The following SOCS5 variants were observed in gnomAD, a reference collection of about 807,000 sequenced individuals.
SOCS5 encodes suppressor of cytokine signaling 5.
A neutral mutation model predicts 42.8 loss-of-function variants in SOCS5; 32 were observed. The ratio of observed to expected loss-of-function variants is 0.75; its 90% CI spans 0.56 to 1.01. The LOEUF (loss-of-function observed/expected upper bound fraction) is 1.01. SOCS5 is among the 50% of genes least tolerant of loss of function. The probability of loss-of-function intolerance (pLI) is 0.00; values close to 1 mark genes in which losing one functional copy is unlikely to be tolerated. For missense variants in SOCS5, 627 were observed against 653.0 expected, an observed-to-expected ratio of 0.96 and a Z score of 0.43; for synonymous variants, 283 against 229.6, an observed-to-expected ratio of 1.23 and a Z score of -2.10.
chr2:46,734,805 C>T (rs1673207329), intron 1 of SOCS5, among the ~76,000 whole-genome samples: 1 of 152,118 alleles, frequency 6.6e-6, no homozygotes, highest in Admixed American at 6.5e-5. Context: ...AGACCACATC[C>T]AGGAATAAAA....
intron 1 of SOCS5, among the ~76,000 whole-genome samples, chr2:46,734,969 A>C (rs998757043): frequency 6.6e-6 from 1 of 152,168 alleles, no homozygotes; most frequent in Non-Finnish European, 1.5e-5. Context: ...TCCGGAGTCC[A>C]TGCCTTTGCG....
At chr2:46,723,224 C>A (rs767465878) in intron 1 of SOCS5, among the ~76,000 whole-genome samples, 8 of 151,866 alleles carry the variant, frequency 5.3e-5, no homozygotes, top group African/African-American at 7.2e-5. Context: ...TCTAAAAATT[C>A]TTTGCTTCAC....
At chr2:46,752,090 A>G (rs72802468) in intron 1 of SOCS5, among the ~76,000 whole-genome samples, 1 of 152,104 alleles carries the variant, frequency 6.6e-6, no homozygotes, top group Non-Finnish European at 1.5e-5. Flanking sequence ...TAAAACATTT[A>G]CTGCCTGGCC....
chr2:46,751,410 C>G (rs938634357), intron 1 of SOCS5, among the ~76,000 whole-genome samples: 1 of 151,626 alleles, frequency 6.6e-6, no homozygotes, highest in Admixed American at 6.6e-5. Flanking sequence ...AAAAAAAATA[C>G]ACTTTATAAG....
chr2:46,716,281 C>T (rs2103704869), intron 1 of SOCS5, among the ~76,000 whole-genome samples: 2 of 150,868 alleles, frequency 1.3e-5, no homozygotes, highest in East Asian at 1.9e-4. Context: ...CTTACCCCAG[C>T]CATTTCTTGG....
At chr2:46,745,710 T>G (rs889852915) in intron 1 of SOCS5, among the ~76,000 whole-genome samples, 1 of 152,218 alleles carries the variant, frequency 6.6e-6, no homozygotes, top group African/African-American at 2.4e-5. Flanking sequence ...AGAGGGTTGT[T>G]TATCCTCTTT....
intron 1 of SOCS5, among the ~76,000 whole-genome samples, chr2:46,742,085 A>C (rs1049188886): frequency 6.6e-6 from 1 of 152,216 alleles, no homozygotes; most frequent in Non-Finnish European, 1.5e-5. Flanking sequence ...ACAAACTTTG[A>C]CAGGTTGATA....
intron 1 of SOCS5, among the ~76,000 whole-genome samples, chr2:46,705,447 CAT>C (rs776091240): frequency 5.9e-5 from 9 of 152,230 alleles, no homozygotes; most frequent in Non-Finnish European, 7.3e-5. Flanking sequence ...AATCCCTACA[CAT>C]ATGTTTTGAG....
chr2:46,745,639 T>A (rs532020464), intron 1 of SOCS5, among the ~76,000 whole-genome samples: 3 of 152,170 alleles, frequency 2.0e-5, no homozygotes, highest in African/African-American at 7.2e-5. Context: ...AAATCACAGA[T>A]CTTTGAGGTT....
chr2:46,754,958 A>G (rs546200945), intron 1 of SOCS5, among the ~76,000 whole-genome samples: 8 of 152,310 alleles, frequency 5.3e-5, no homozygotes, highest in African/African-American at 1.4e-4. Context: ...CAAAATATCA[A>G]TCAAAACTTG....
At chr2:46,726,900 G>A (rs1392747863) in intron 1 of SOCS5, among the ~76,000 whole-genome samples, 1 of 150,786 alleles carries the variant, frequency 6.6e-6, no homozygotes, top group Non-Finnish European at 1.5e-5. Flanking sequence ...GGAATTACAG[G>A]TGCCTGCCAC....
rs1229633464 is a variant in SOCS5, at chr2:46,761,469, A to G, written c.*1328A>G. 4.2e-5 allele frequency: 7 copies of G among 167,068 alleles called. No homozygotes were observed. Among genetic ancestry groups the G allele is most frequent in the African/African-American group, 7.2e-5 (3 of 41,458 alleles). 10.3% of individuals were successfully genotyped at this position (167,068 alleles called of 1,614,324 possible). On this transcript the variant is annotated 3_prime_UTR_variant, in exon 2 of 2. Transcript: ENST00000394861. ...CTACAGAATGTTATTTTACATCCCT[A>G]TGGCTATTGCCAAGGCTACAAAAAA...
intron 1 of SOCS5, among the ~76,000 whole-genome samples, chr2:46,746,417 C>T (rs1481315364): frequency 2.6e-5 from 4 of 151,984 alleles, no homozygotes; most frequent in Admixed American, 1.3e-4. Context: ...TTTGGGAGGC[C>T]GAGGTGGGTG....
intron 1 of SOCS5, among the ~76,000 whole-genome samples, chr2:46,754,497 T>A (rs1673690978): frequency 6.6e-6 from 1 of 152,070 alleles, no homozygotes; most frequent in Non-Finnish European, 1.5e-5. Context: ...TACACTAATA[T>A]AAATGGCATG....
In SOCS5 at chr2:46,759,672, G is replaced by T. The variant is rs778769719; in HGVS notation, c.1142G>T (p.Cys381Phe). 9.9e-6 allele frequency: 16 copies of T among 1,614,124 alleles called. No individual in the cohort carries two copies. Among genetic ancestry groups the T allele is most frequent in the African/African-American group, 1.3e-5 (1 of 75,040 alleles). Residue 381 changes from cysteine to phenylalanine, a missense_variant, in exon 2 of 2, where the codon TGT becomes TTT. Around this residue, in one of 3 missense-constraint regions of SOCS5, gnomAD observed 340 missense variants for 367.6 expected, o/e 0.92. Coordinates refer to ENST00000394861, the MANE Select transcript of SOCS5 (RefSeq NM_144949.3). ...PDLLQITGNP[C>F]YWGVMDRYEA... ...TTGCTTCAAATTACAGGGAATCCCT[G>T]TTACTGGGGAGTGATGGACCGTTAT...
At chr2:46,708,463 A>T (rs534601561) in intron 1 of SOCS5, among the ~76,000 whole-genome samples, 28 of 152,348 alleles carry the variant, frequency 1.8e-4, no homozygotes, top group African/African-American at 6.3e-4. Context: ...GGTCAGGATT[A>T]TAGATATGAT....
rs1673891015 is a variant in SOCS5, at chr2:46,762,457, T to C, written c.*2316T>C. On this transcript the variant is annotated 3_prime_UTR_variant, in exon 2 of 2. Coordinates refer to ENST00000394861, the MANE Select transcript of SOCS5 (RefSeq NM_144949.3). The stretch of plus-strand genomic sequence containing the variant: ...CTAACTGTAGTTTTATAGAAAGTAT[T>C]AATGCTTTTATGTATTTCAAAACTT... The C allele has an allele frequency of 6.0e-6, 1 of 166,294 alleles. No individual in the cohort carries two copies. The highest frequency in any genetic ancestry group is 2.4e-5 in the African/African-American group (1 of 41,474). 10.3% of individuals were successfully genotyped at this position (166,294 alleles called of 1,614,324 possible). A position where few individuals can be genotyped will look rare whatever the true frequency, so the allele number is the denominator to read the frequency against.
At chr2:46,734,806 A>G (rs1673207365) in intron 1 of SOCS5, among the ~76,000 whole-genome samples, 1 of 152,194 alleles carries the variant, frequency 6.6e-6, no homozygotes, top group Non-Finnish European at 1.5e-5. Context: ...GACCACATCC[A>G]GGAATAAAAG....
chr2:46,733,476 AGT>A (rs1206504358), intron 1 of SOCS5, among the ~76,000 whole-genome samples: 2 of 151,102 alleles, frequency 1.3e-5, no homozygotes, highest in South Asian at 4.2e-4. Context: ...GGGAAACTGA[AGT>A]GGGGGGATCA....
Sources: allele counts gnomAD v4.1 joint callset (sites outside exome capture counted in the v4.1 genomes callset), GRCh38; gene constraint gnomAD v4.1.1; regional missense constraint gnomAD v4.1.1; transcripts MANE v1.5; gene names NCBI Gene and HGNC (gene_info 2026-07-23, HGNC 2026-07-21).